Variants in SPIDR observed in about 807,000 individuals in gnomAD.
The protein encoded by SPIDR is scaffold protein involved in DNA repair.
SPIDR carries 93 observed loss-of-function variants against 104.6 expected under a neutral mutation model. That is an observed-to-expected ratio of 0.89 (90% confidence interval 0.75 to 1.06). The LOEUF is 1.06. SPIDR is among the 50% of genes least tolerant of loss of function. The pLI is 0.00. For missense variants in SPIDR, 1,154 were observed against 1,111.2 expected (o/e 1.04, Z -0.55); for synonymous variants, 431 against 416.9 (o/e 1.03, Z -0.41).
chr8:47,408,991 T>G (rs574303050), intron 7 of SPIDR, among the ~76,000 whole-genome samples: 13 of 152,198 alleles, frequency 8.5e-5, no homozygotes, highest in African/African-American at 2.9e-4. Flanking sequence ...ATCGAGACCA[T>G]CCTGGCCAAC....
chr8:47,264,269 A>G (rs1024189780), intron 1 of SPIDR, among the ~76,000 whole-genome samples: 2 of 152,228 alleles, frequency 1.3e-5, no homozygotes, highest in African/African-American at 4.8e-5. Context: ...GGCAACTGCA[A>G]TTGAAAGAGG....
At chr8:47,424,986 T>A (rs2066194490) in intron 7 of SPIDR, among the ~76,000 whole-genome samples, 1 of 152,230 alleles carries the variant, frequency 6.6e-6, no homozygotes. Flanking sequence ...TAACTGCCTA[T>A]TCTTAAGCAA....
chr8:47,591,859 C>T (rs1269813524), intron 8 of SPIDR, among the ~76,000 whole-genome samples: 7 of 151,720 alleles, frequency 4.6e-5, no homozygotes, highest in Non-Finnish European at 1.0e-4. Context: ...GTGCTTTATA[C>T]TTAAACCAGG....
chr8:47,579,389 T>C (rs559111608), intron 8 of SPIDR, among the ~76,000 whole-genome samples: 9 of 152,358 alleles, frequency 5.9e-5, no homozygotes, highest in Admixed American at 1.3e-4. Context: ...CCACAGAATT[T>C]TCTGCATTGA....
In SPIDR at chr8:47,405,545, T is replaced by G. The variant is rs72646319; in HGVS notation, c.777-2316T>G. 3.9e-3 allele frequency among the ~76,000 whole-genome samples: 592 copies of G among 152,330 alleles called. 4 individuals are homozygous for G. The highest frequency in any genetic ancestry group is 6.8e-3 in the Admixed American group (104 of 15,294). On this transcript the variant is annotated intron_variant, in intron 6 of 19. Transcript: ENST00000297423. ...TTGAATCTTTATCCTTCTTTACTTC[T>G]CCATATTGTTTTTATAGAAATGTTT...
intron 5 of SPIDR, among the ~76,000 whole-genome samples, chr8:47,371,987 A>G (rs935500872): frequency 5.9e-5 from 9 of 152,152 alleles, no homozygotes; most frequent in African/African-American, 1.2e-4. Context: ...TTCTCCTGCT[A>G]TTGCTTTGCA....
intron 10 of SPIDR, among the ~76,000 whole-genome samples, chr8:47,666,371 G>T (rs2074937639): frequency 6.6e-6 from 1 of 152,090 alleles, no homozygotes; most frequent in Non-Finnish European, 1.5e-5. Flanking sequence ...ATTCCTTATT[G>T]CTGACTACAG....
At chr8:47,370,596 G>A (rs1487217743) in intron 5 of SPIDR, among the ~76,000 whole-genome samples, 3 of 151,364 alleles carry the variant, frequency 2.0e-5, no homozygotes, top group Admixed American at 6.6e-5. Context: ...ACAGGTGCGC[G>A]CCATCATGTC....
intron 8 of SPIDR, among the ~76,000 whole-genome samples, chr8:47,454,487 G>A (rs1211758712): frequency 1.3e-5 from 2 of 152,014 alleles, no homozygotes; most frequent in African/African-American, 2.4e-5. Flanking sequence ...TGGGGTGCGG[G>A]GGTGGGGAAG....
At chr8:47,498,496 A>C (rs1354247075) in intron 8 of SPIDR, among the ~76,000 whole-genome samples, 1 of 152,194 alleles carries the variant, frequency 6.6e-6, no homozygotes, top group Non-Finnish European at 1.5e-5. Context: ...TTAAGTTATG[A>C]GTTACAATGA....
chr8:47,317,493 G>T (rs931076757), intron 5 of SPIDR, among the ~76,000 whole-genome samples: 16 of 151,972 alleles, frequency 1.1e-4, no homozygotes, highest in Admixed American at 1.0e-3. Flanking sequence ...GTTCAAGGAG[G>T]CCTGCCTGCC....
intron 16 of SPIDR, among the ~76,000 whole-genome samples, chr8:47,718,491 A>G (rs1358089659): frequency 1.3e-5 from 2 of 149,928 alleles, no homozygotes; most frequent in Non-Finnish European, 3.0e-5. Context: ...TGCTTAAACT[A>G]CTTATCTTTG....
At chr8:47,499,645 T>C (rs2080041431) in intron 8 of SPIDR, among the ~76,000 whole-genome samples, 1 of 152,168 alleles carries the variant, frequency 6.6e-6, no homozygotes, top group South Asian at 2.1e-4. Context: ...GCCATAATTT[T>C]TTTTATTATA....
intron 8 of SPIDR, among the ~76,000 whole-genome samples, chr8:47,530,039 T>C (rs949968008): frequency 2.0e-5 from 3 of 152,246 alleles, no homozygotes; most frequent in African/African-American, 7.2e-5. Context: ...AGGGCACTTA[T>C]ACAAGCCTAG....
intron 5 of SPIDR, among the ~76,000 whole-genome samples, chr8:47,342,021 T>C (rs2050851130): frequency 6.6e-6 from 1 of 152,206 alleles, no homozygotes; most frequent in African/African-American, 2.4e-5. Context: ...TTTATTACTA[T>C]TTCTAGCGAT....
In SPIDR at chr8:47,487,877, G is replaced by C. The variant is rs543536768; in HGVS notation, c.1097+47335G>C. 5.7e-4 allele frequency among the ~76,000 whole-genome samples: 86 copies of C among 152,052 alleles called. No homozygotes were observed. In the East Asian group the frequency reaches 0.015, roughly 27 times the overall value. ...AGCAGTGTGTAGAGGGAAATTTATC[G>C]CACTAAATGCCCACAAGAGAAAGCA... On this transcript the variant is annotated intron_variant, in intron 8 of 19. Transcript: ENST00000297423.
chr8:47,393,026 CATAG>C (rs569374504), intron 5 of SPIDR, among the ~76,000 whole-genome samples: 59 of 152,166 alleles, frequency 3.9e-4, no homozygotes, highest in Non-Finnish European at 7.6e-4. Flanking sequence ...CATAATTTTC[CATAG>C]ATAGTCTTCT....
chr8:47,292,130 CAT>C (rs1328605480), intron 4 of SPIDR, among the ~76,000 whole-genome samples: 1 of 152,268 alleles, frequency 6.6e-6, no homozygotes, highest in African/African-American at 2.4e-5. Context: ...TTATGGAAAT[CAT>C]GTCCTTTTAG....
rs755983673 is a variant in SPIDR at position 47,735,384 on chromosome 8, G to T, written c.2682G>T (p.Pro894=). 1 of 1,613,984 alleles carries T rather than the reference G, an allele frequency of 6.2e-7. No homozygotes were observed. The highest frequency in any genetic ancestry group is 8.5e-7 in the Non-Finnish European group (1 of 1,179,990). The change falls in exon 20 of 20, where the codon CCG becomes CCT. Residue 894 remains proline (P), a synonymous_variant. Coordinates refer to ENST00000297423, the MANE Select transcript of SPIDR (RefSeq NM_001080394.4). The stretch of plus-strand genomic sequence containing the variant: ...TTGTCCAGTCCGTAACCGCCCACCC[G>T]ACCAGCTGCATTGGATTGGAGGAAA... The part of the protein sequence containing the change: ...NCFVQSVTAH[P]TSCIGLEEIE...
Sources: allele counts gnomAD v4.1 joint callset (sites outside exome capture counted in the v4.1 genomes callset), GRCh38; gene constraint gnomAD v4.1.1; transcripts MANE v1.5; gene names NCBI Gene and HGNC (gene_info 2026-07-23, HGNC 2026-07-21).